Variants in EGFLAM observed in about 807,000 individuals in gnomAD.
EGFLAM encodes pikachurin.
Under a neutral mutation model 113.1 loss-of-function variants are expected in EGFLAM, and 79 were observed. The ratio of observed to expected loss-of-function variants is 0.70; its 90% confidence interval spans 0.58 to 0.84. The LOEUF is 0.84. EGFLAM is among the 40% of genes least tolerant of loss of function. The pLI is 0.00. For missense variants in EGFLAM, 1,265 were observed against 1,291.6 expected (o/e 0.98, Z 0.32); for synonymous variants, 504 against 487.6 (o/e 1.03, Z -0.44).
In EGFLAM at chr5:38,445,438, T is replaced by C. The variant is rs563449185; in HGVS notation, c.2465-2863T>C. On this transcript the variant is annotated intron_variant, in intron 17 of 21. Transcript: ENST00000322350. ...GGTCCACCGCCACGCCCACCTTCAATAAGCCGAGAAGAGGTGAGGAGGCGG... is the reference window on the plus strand; with the variant it reads ...GGTCCACCGCCACGCCCACCTTCAACAAGCCGAGAAGAGGTGAGGAGGCGG... 857 of 1,350,758 alleles carry C rather than the reference T, an allele frequency of 6.3e-4. 15 individuals are homozygous for C. In the South Asian group the frequency reaches 0.015, roughly 24 times the overall value. 83.7% of individuals were successfully genotyped at this position (1,350,758 alleles called of 1,614,324 possible).
chr5:38,459,607 G>GA (rs762050067), intron 20 of EGFLAM, among the ~76,000 whole-genome samples: 69 of 152,218 alleles, frequency 4.5e-4, no homozygotes, highest in Non-Finnish European at 7.3e-5. Context: ...GGGGTTCCCT[G>GA]AGAATTTATC....
At chr5:38,357,967 A>AT (rs70978882) in intron 5 of EGFLAM, among the ~76,000 whole-genome samples, 1,647 of 119,380 alleles carry the variant, frequency 0.014, 31 homozygotes, top group East Asian at 0.08. Flanking sequence ...GGTTAAGTGA[A>AT]TTTTTTTTTT....
At chr5:38,342,142 A>T (rs1282821952) in intron 3 of EGFLAM, among the ~76,000 whole-genome samples, 2 of 152,208 alleles carry the variant, frequency 1.3e-5, no homozygotes, top group Admixed American at 6.5e-5. Flanking sequence ...CAGACAGCTG[A>T]ATCTACAAGG....
chr5:38,290,600 C>G (rs527445264), intron 1 of EGFLAM: 4 of 152,278 alleles, frequency 2.6e-5, no homozygotes, highest in African/African-American at 7.2e-5. Flanking sequence ...GATTACTGAC[C>G]TCTCTCCAAA....
At chr5:38,323,353 G>C (rs943698631) in intron 1 of EGFLAM, among the ~76,000 whole-genome samples, 3 of 152,148 alleles carry the variant, frequency 2.0e-5, no homozygotes, top group African/African-American at 4.8e-5. Flanking sequence ...GCCTAATACA[G>C]TTTTGAAAGT....
At chr5:38,460,267 C>T (rs1277821510) in intron 20 of EGFLAM, among the ~76,000 whole-genome samples, 1 of 152,210 alleles carries the variant, frequency 6.6e-6, no homozygotes, top group African/African-American at 2.4e-5. Context: ...ATTTTTAAGC[C>T]TTCCCAGTTG....
At chr5:38,261,628 G>T (rs1268276423) in intron 1 of EGFLAM, among the ~76,000 whole-genome samples, 1 of 152,200 alleles carries the variant, frequency 6.6e-6, no homozygotes, top group Non-Finnish European at 1.5e-5. Flanking sequence ...GGAGGCTGAA[G>T]AGTGGAGCTC....
At chr5:38,310,725 A>G (rs1738418476) in intron 1 of EGFLAM, among the ~76,000 whole-genome samples, 1 of 152,204 alleles carries the variant, frequency 6.6e-6, no homozygotes, top group Non-Finnish European at 1.5e-5. Flanking sequence ...TTTTGAACAT[A>G]ACACAAGGTG....
At chr5:38,342,146 T>TA (rs1739354906) in intron 3 of EGFLAM, among the ~76,000 whole-genome samples, 1 of 152,228 alleles carries the variant, frequency 6.6e-6, no homozygotes, top group South Asian at 2.1e-4. Flanking sequence ...CAGCTGAATC[T>TA]ACAAGGTGAA....
chr5:38,374,984 G>T (rs114091827), intron 6 of EGFLAM, among the ~76,000 whole-genome samples: 1 of 150,704 alleles, frequency 6.6e-6, no homozygotes, highest in African/African-American at 2.4e-5. Flanking sequence ...GTAGATTCTG[G>T]ATATTAGTTC....
intron 6 of EGFLAM, among the ~76,000 whole-genome samples, chr5:38,374,815 T>C (rs1487976797): frequency 6.6e-6 from 1 of 152,236 alleles, no homozygotes; most frequent in Non-Finnish European, 1.5e-5. Context: ...CGCCCAGGAA[T>C]GAATAAAGAC....
intron 1 of EGFLAM, among the ~76,000 whole-genome samples, chr5:38,291,914 C>T (rs1054303213): frequency 6.6e-6 from 1 of 152,222 alleles, no homozygotes; most frequent in Admixed American, 6.5e-5. Flanking sequence ...ATTTCTATTG[C>T]ACTGCAGAGC....
chr5:38,283,067 G>C (rs1758059476), intron 1 of EGFLAM, among the ~76,000 whole-genome samples: 1 of 152,090 alleles, frequency 6.6e-6, no homozygotes, highest in Admixed American at 6.6e-5. Context: ...ATTGCTCAGA[G>C]CTCAAGTGAT....
At chr5:38,346,402 T>C (rs974660086) in intron 3 of EGFLAM, 2 of 152,242 alleles carry the variant, frequency 1.3e-5, no homozygotes, top group Non-Finnish European at 2.9e-5. Context: ...CTCAAATCCC[T>C]ATTTTGCCAC....
intron 17 of EGFLAM, among the ~76,000 whole-genome samples, chr5:38,444,697 C>T (rs969165688): frequency 1.4e-4 from 21 of 152,144 alleles, no homozygotes; most frequent in African/African-American, 4.6e-4. Context: ...GTAATCCAGG[C>T]GCTTTGGGAG....
intron 1 of EGFLAM, among the ~76,000 whole-genome samples, chr5:38,324,946 G>A (rs955930431): frequency 6.6e-6 from 1 of 152,176 alleles, no homozygotes; most frequent in African/African-American, 2.4e-5. Context: ...GTTACAGGAG[G>A]GGCTCGGGTC....
chr5:38,382,400 T>G (rs576186290), intron 6 of EGFLAM, among the ~76,000 whole-genome samples: 1 of 152,334 alleles, frequency 6.6e-6, no homozygotes, highest in East Asian at 1.9e-4. Context: ...TGATGGACAT[T>G]TGGATTGCTT....
At chr5:38,341,909 T>C (rs1579795999) in intron 3 of EGFLAM, among the ~76,000 whole-genome samples, 1 of 152,048 alleles carries the variant, frequency 6.6e-6, no homozygotes, top group Non-Finnish European at 1.5e-5. Flanking sequence ...ATTTTACTCA[T>C]GCAAGTTTTT....
chr5:38,446,914 C>G (rs949700511), intron 17 of EGFLAM, among the ~76,000 whole-genome samples: 1 of 152,160 alleles, frequency 6.6e-6, no homozygotes, highest in African/African-American at 2.4e-5. Context: ...TACATTTCCT[C>G]TCTGGGGTGG....
Sources: allele counts gnomAD v4.1 joint callset (sites outside exome capture counted in the v4.1 genomes callset), GRCh38; gene constraint gnomAD v4.1.1; transcripts MANE v1.5; gene names NCBI Gene and HGNC (gene_info 2026-07-23, HGNC 2026-07-21).